The following NUP62CL variants were observed in gnomAD, a reference collection of about 807,000 sequenced individuals.
NUP62CL encodes nucleoporin 62 C-terminal like.
NUP62CL carries 13 observed loss-of-function variants against 15.3 expected under a neutral mutation model. That is an observed-to-expected ratio of 0.85 (90% CI 0.55 to 1.35). NUP62CL has a LOEUF of 1.35. Ranked by LOEUF, NUP62CL falls within the 40% of genes most tolerant of loss-of-function variation. The probability of loss-of-function intolerance (pLI) is 0.00; values close to 1 mark genes in which losing one functional copy is unlikely to be tolerated. For synonymous variants in NUP62CL, 54 were observed against 49.2 expected, an observed-to-expected ratio of 1.10 and a Z score of -0.41; for missense variants, 123 against 130.6, an observed-to-expected ratio of 0.94 and a Z score of 0.28.
chrX:107,123,797 CTTT>C lies in NUP62CL; in HGVS notation c.*575_*577del, dbSNP rs779582847. On this transcript the variant is annotated 3_prime_UTR_variant, in exon 9 of 9. Transcript: ENST00000372466. ...ACTTTCTATAATTCATACTGCACTTCTTTATATTATCTATATTGTTTTTATGCA... is the reference window on the plus strand; with the variant it reads ...ACTTTCTATAATTCATACTGCACTTCATATTATCTATATTGTTTTTATGCA... 8.9e-6 allele frequency: 1 copy of C among 112,219 alleles called. No homozygotes were observed. Among genetic ancestry groups the C allele is most frequent in the South Asian group, 3.7e-4 (1 of 2,673 alleles). The allele number at this position is 112,219 out of a possible 1,213,427, so 9.2% of individuals were successfully genotyped here.
intron 2 of NUP62CL, among the ~76,000 whole-genome samples, chrX:107,187,484 G>C (rs962858447): frequency 8.9e-6 from 1 of 112,269 alleles, no homozygotes; most frequent in African/African-American, 3.2e-5. Context: ...TGCAACCTCT[G>C]CCTCCCGGGT....
chrX:107,151,759 G>A (rs1303341882), intron 7 of NUP62CL, among the ~76,000 whole-genome samples: 2 of 108,263 alleles, frequency 1.8e-5, no homozygotes, highest in Non-Finnish European at 3.8e-5. Context: ...GGCCGGGCGC[G>A]GTGGCTCATG....
chrX:107,139,007 A>G (rs1925707531), intron 8 of NUP62CL, among the ~76,000 whole-genome samples: 1 of 112,102 alleles, frequency 8.9e-6, no homozygotes, highest in Admixed American at 9.4e-5. Context: ...CAGAAACACA[A>G]TGAATCTTTG....
intron 4 of NUP62CL, among the ~76,000 whole-genome samples, chrX:107,166,760 A>C (rs1353656511): frequency 9.0e-6 from 1 of 111,731 alleles, no homozygotes; most frequent in Non-Finnish European, 1.9e-5. Context: ...CAAACTGTTG[A>C]TGCACACGAC....
intron 4 of NUP62CL, 149 bp from the exon 5 acceptor site, chrX:107,154,395 G>A: frequency 2.9e-6 from 1 of 341,743 alleles, no homozygotes; most frequent in Non-Finnish European, 4.5e-6. Context: ...AACATAACTG[G>A]TAAAGATGAT....
chrX:107,204,797 TTTAAATAAATTTTAAATAAA>T lies in NUP62CL; in HGVS notation c.-92+1456_-92+1475del, dbSNP rs1569369222. ...ATTTAAATAAATTTTAAATAAATTA[TTTAAATAAATTTTAAATAAA>T]TTATTTAAATAAATTTTAAATAAAT... On this transcript the variant is annotated intron_variant, in intron 1 of 8. Transcript: ENST00000372466. Among the ~76,000 whole-genome samples the T allele has an allele frequency of 6.8e-5, 6 of 88,371 alleles. 1 individual carries two copies. The East Asian group carries it at 1.1e-3, about 16-fold the overall frequency. 76.7% of individuals were successfully genotyped at this position (88,371 alleles called of 115,157 possible).
chrX:107,161,750 A>G (rs1032233835), intron 4 of NUP62CL, among the ~76,000 whole-genome samples: 2 of 100,608 alleles, frequency 2.0e-5, no homozygotes, highest in Non-Finnish European at 4.0e-5. Context: ...CAATGTGCAC[A>G]TGTACCCTAA....
intron 7 of NUP62CL, among the ~76,000 whole-genome samples, chrX:107,149,448 T>TA (rs1925958590): frequency 8.9e-6 from 1 of 112,252 alleles, no homozygotes; most frequent in Admixed American, 9.5e-5. Flanking sequence ...TATTTGTCTT[T>TA]GTTCAACTTT....
chrX:107,180,954 A>G (rs1300474202), intron 2 of NUP62CL, among the ~76,000 whole-genome samples: 2 of 87,997 alleles, frequency 2.3e-5, no homozygotes, highest in African/African-American at 9.1e-5. Context: ...TCGCTTTGTC[A>G]CCCAGTTGGA....
At chrX:107,185,196 C>CAAAAAAAAAA (rs3072235) in intron 2 of NUP62CL, among the ~76,000 whole-genome samples, 1 of 20,979 alleles carries the variant, frequency 4.8e-5, no homozygotes, top group African/African-American at 1.5e-4. Flanking sequence ...GACTCCGTCT[C>CAAAAAAAAAA]AAAAAAAAAA....
intron 4 of NUP62CL, among the ~76,000 whole-genome samples, chrX:107,157,617 T>C (rs1207021008): frequency 9.3e-6 from 1 of 107,198 alleles, no homozygotes; most frequent in Non-Finnish European, 1.9e-5. Context: ...CTAAAAGAGC[T>C]CCTGAAGGAA....
intron 2 of NUP62CL, among the ~76,000 whole-genome samples, chrX:107,191,289 C>A (rs1203093431): frequency 9.4e-6 from 1 of 106,706 alleles, no homozygotes; most frequent in Non-Finnish European, 1.9e-5. Context: ...AATACATGTA[C>A]AGAGCTCCAT....
intron 4 of NUP62CL, among the ~76,000 whole-genome samples, chrX:107,165,099 TCAAACAAA>T (rs747591195): frequency 1.5e-4 from 17 of 110,475 alleles, no homozygotes; most frequent in South Asian, 7.6e-4. Context: ...AGACTCCGTC[TCAAACAAA>T]CAAACAAACA....
intron 4 of NUP62CL, among the ~76,000 whole-genome samples, chrX:107,155,429 C>T (rs1926153263): frequency 8.9e-6 from 1 of 112,363 alleles, no homozygotes; most frequent in Non-Finnish European, 1.9e-5. Flanking sequence ...CTGGGGGCTC[C>T]AGGGCCCAGC....
intron 1 of NUP62CL, among the ~76,000 whole-genome samples, chrX:107,202,956 C>G (rs909388000): frequency 3.0e-5 from 3 of 98,591 alleles, no homozygotes; most frequent in African/African-American, 1.1e-4. Flanking sequence ...CCAGCTGGGC[C>G]GACAGAGCAG....
chrX:107,156,144 C>T (rs1296342617), intron 4 of NUP62CL, among the ~76,000 whole-genome samples: 2 of 111,619 alleles, frequency 1.8e-5, no homozygotes, highest in African/African-American at 6.6e-5. Context: ...CACGGCATCT[C>T]GCTGATTGCT....
At chrX:107,205,170 C>T (rs1220942213) in intron 1 of NUP62CL, among the ~76,000 whole-genome samples, 1 of 111,371 alleles carries the variant, frequency 9.0e-6, no homozygotes, top group Admixed American at 9.6e-5. Context: ...TTATTTCTTA[C>T]TGTCGGTCAC....
intron 3 of NUP62CL, among the ~76,000 whole-genome samples, chrX:107,172,519 C>T (rs769697410): frequency 9.0e-6 from 1 of 111,096 alleles, no homozygotes; most frequent in Non-Finnish European, 1.9e-5. Context: ...AGTAGATGAC[C>T]CCTTACCACC....
At chrX:107,156,765 A>G (rs1286261314) in intron 4 of NUP62CL, among the ~76,000 whole-genome samples, 2 of 105,886 alleles carry the variant, frequency 1.9e-5, no homozygotes, top group Non-Finnish European at 3.9e-5. Flanking sequence ...CAGCAACGGA[A>G]CAAAGCTGGA....
Sources: gnomAD v4.1 joint callset for allele counts (sites outside exome capture counted in the v4.1 genomes callset) on GRCh38, gnomAD v4.1.1 for gene constraint, MANE v1.5 for transcripts, NCBI Gene and HGNC (gene_info 2026-07-23, HGNC 2026-07-21) for gene names.